Variants in DNMBP observed in about 807,000 individuals in gnomAD.
DNMBP encodes the protein dynamin binding protein.
In DNMBP, 87 loss-of-function variants were observed where a neutral mutation model predicts 150.0. The observed-to-expected ratio is 0.58, with a 90% CI of 0.49 to 0.69. The LOEUF is 0.69. Ranked by LOEUF, DNMBP falls within the 30% of genes least tolerant of loss-of-function variation. DNMBP has a pLI of 0.00. For synonymous variants in DNMBP, 711 were observed against 750.4 expected (o/e 0.95, Z 0.86); for missense variants, 1,774 against 1,949.0 (o/e 0.91, Z 1.69).
In DNMBP at chr10:99,888,904, C is replaced by T. The variant is rs778668152; in HGVS notation, c.3206G>A (p.Cys1069Tyr). The T allele has an allele frequency of 3.7e-6, 6 of 1,614,058 alleles. No homozygotes were observed. The highest frequency in any genetic ancestry group is 5.1e-6 in the Non-Finnish European group (6 of 1,180,030). The stretch of plus-strand genomic sequence containing the variant: ...CAGGTCCCGGTGTCCTCTCTCCATG[C>T]ACACATCCCACATGCTCACAGCAGC... The part of the protein sequence containing the change: ...VVAAVSMWDV[C>Y]MERGHRDLEQ... The change falls in exon 12 of 17, where the codon TGC becomes TAC. Residue 1069 changes from cysteine (C) to tyrosine (Y), a missense_variant. Coordinates refer to ENST00000324109, the MANE Select transcript of DNMBP (RefSeq NM_015221.4).
chr10:99,953,883 G>C (rs1271608114), intron 4 of DNMBP, among the ~76,000 whole-genome samples: 1 of 152,010 alleles, frequency 6.6e-6, no homozygotes, highest in Non-Finnish European at 1.5e-5. Context: ...TTTCTCATGA[G>C]TCTTTCTTAA....
chr10:99,896,504 G>C, intron 9 of DNMBP, 107 bp from the exon 10 acceptor site: 1 of 1,055,718 alleles, frequency 9.5e-7, no homozygotes, highest in South Asian at 1.3e-5. Flanking sequence ...TCTTCAATGA[G>C]CTTATAACAA....
chr10:99,943,269 G>C (rs1382422897), intron 4 of DNMBP, among the ~76,000 whole-genome samples: 1 of 151,202 alleles, frequency 6.6e-6, no homozygotes. Flanking sequence ...TAGGTGACAA[G>C]AGTGAGACTC....
At chr10:99,918,247 T>A (rs928013760) in intron 4 of DNMBP, among the ~76,000 whole-genome samples, 2 of 151,974 alleles carry the variant, frequency 1.3e-5, no homozygotes, top group African/African-American at 4.8e-5. Flanking sequence ...TACTTCTACT[T>A]GGAGAAATTT....
intron 1 of DNMBP, among the ~76,000 whole-genome samples, chr10:100,005,620 T>C (rs1454566372): frequency 6.6e-6 from 1 of 151,746 alleles, no homozygotes; most frequent in Non-Finnish European, 1.5e-5. Context: ...CTGGGCGTGG[T>C]GGCGCATGAC....
chr10:99,900,778 ACAC>A (rs1198262923), intron 6 of DNMBP, among the ~76,000 whole-genome samples: 1 of 152,038 alleles, frequency 6.6e-6, no homozygotes, highest in Non-Finnish European at 1.5e-5. Context: ...TTACAGGTAC[ACAC>A]CACCATACCC....
intron 4 of DNMBP, chr10:99,930,179 A>G: frequency 1.4e-6 from 1 of 703,040 alleles, no homozygotes; most frequent in Non-Finnish European, 2.6e-6. Context: ...TACAATAAAA[A>G]TTAGTTGCCC....
intron 4 of DNMBP, among the ~76,000 whole-genome samples, chr10:99,915,683 C>T (rs964268366): frequency 6.6e-6 from 1 of 152,134 alleles, no homozygotes; most frequent in Non-Finnish European, 1.5e-5. Context: ...CCACTGCACA[C>T]CAGCCTGGAC....
At chr10:99,987,605 G>T (rs760519238) in intron 1 of DNMBP, among the ~76,000 whole-genome samples, 4 of 152,012 alleles carry the variant, frequency 2.6e-5, no homozygotes, top group Non-Finnish European at 4.4e-5. Flanking sequence ...ATGATGGTGT[G>T]CACCTGTAGT....
intron 4 of DNMBP, among the ~76,000 whole-genome samples, chr10:99,939,300 G>A (rs896772573): frequency 3.3e-5 from 5 of 152,096 alleles, no homozygotes; most frequent in Non-Finnish European, 5.9e-5. Context: ...TATCTCTCTT[G>A]GCTAACCTAT....
intron 4 of DNMBP, among the ~76,000 whole-genome samples, chr10:99,923,698 C>T (rs2040047381): frequency 6.6e-6 from 1 of 152,218 alleles, no homozygotes; most frequent in Non-Finnish European, 1.5e-5. Context: ...TCCTCACCAC[C>T]TTCCCCACGT....
At chr10:99,990,234 T>C (rs2133375880) in intron 1 of DNMBP, among the ~76,000 whole-genome samples, 1 of 152,242 alleles carries the variant, frequency 6.6e-6, no homozygotes, top group East Asian at 1.9e-4. Flanking sequence ...GAAGATTTTT[T>C]AGTAGGCAGA....
chr10:99,895,328 T>C lies in DNMBP; in HGVS notation c.3052-278A>G, dbSNP rs1048760209. On this transcript the variant is annotated intron_variant, in intron 10 of 16. Transcript: ENST00000324109. ...TACTAGTAGAGATGGGGTTTCACCA[T>C]GTTGGCCAGACTAGTCTCGAACTCC... 3.9e-5 allele frequency among the ~76,000 whole-genome samples: 6 copies of C among 152,192 alleles called. 1 individual carries two copies. The highest frequency in any genetic ancestry group is 1.4e-4 in the African/African-American group (6 of 41,462).
chr10:99,957,288 T>G (rs1259545203), intron 3 of DNMBP, 83 bp from the exon 4 acceptor site: 2 of 1,231,052 alleles, frequency 1.6e-6, no homozygotes, highest in Non-Finnish European at 2.2e-6. Context: ...ACCTCTCATT[T>G]TAAACAGCTA....
chr10:99,975,219 G>C (rs931688370), intron 1 of DNMBP, among the ~76,000 whole-genome samples: 1 of 152,254 alleles, frequency 6.6e-6, no homozygotes. Flanking sequence ...AATTAGCCAG[G>C]CGTGGTGGTG....
intron 1 of DNMBP, among the ~76,000 whole-genome samples, chr10:99,990,213 T>G (rs984671532): frequency 2.0e-5 from 3 of 152,130 alleles, no homozygotes; most frequent in African/African-American, 7.2e-5. Flanking sequence ...TTTGGGCAAT[T>G]AGCGGCACCT....
At chr10:99,947,919 A>G (rs935745301) in intron 4 of DNMBP, among the ~76,000 whole-genome samples, 6 of 152,178 alleles carry the variant, frequency 3.9e-5, no homozygotes, top group African/African-American at 1.2e-4. Flanking sequence ...GGAGAAGCTG[A>G]GCGAAGTATA....
chr10:99,924,057 G>C (rs1036600098), intron 4 of DNMBP, among the ~76,000 whole-genome samples: 27 of 152,184 alleles, frequency 1.8e-4, no homozygotes, highest in African/African-American at 6.3e-4. Flanking sequence ...GGGAGGCTGA[G>C]ACAGGAGAAT....
At chr10:99,911,274 GGAGTCT>G (rs1232499734) in intron 4 of DNMBP, among the ~76,000 whole-genome samples, 2 of 152,146 alleles carry the variant, frequency 1.3e-5, no homozygotes, top group Admixed American at 6.5e-5. Flanking sequence ...CCGCACTTTG[GGAGTCT>G]GAGGCTGAGG....
Sources: allele counts gnomAD v4.1 joint callset (sites outside exome capture counted in the v4.1 genomes callset), GRCh38; gene constraint gnomAD v4.1.1; transcripts MANE v1.5; gene names NCBI Gene and HGNC (gene_info 2026-07-23, HGNC 2026-07-21).